NOD2: variants seen among roughly 807,000 people sequenced by gnomAD.
NOD2 encodes nucleotide-binding oligomerization domain-containing protein 2.
In NOD2, 86 loss-of-function variants were observed where a neutral mutation model predicts 90.9. The ratio of observed to expected loss-of-function variants is 0.95; its 90% CI spans 0.79 to 1.13. The LOEUF (loss-of-function observed/expected upper bound fraction) is 1.13. Ranked by LOEUF, NOD2 falls within the 50% of genes most tolerant of loss-of-function variation. NOD2 has a pLI of 0.00. For synonymous variants in NOD2, 581 were observed against 554.6 expected (o/e 1.05, Z -0.67); for missense variants, 1,238 against 1,283.8 (o/e 0.96, Z 0.55).
At chr16:50,721,277 ATATT>A (rs147227748) in intron 7 of NOD2, among the ~76,000 whole-genome samples, 2,331 of 151,194 alleles carry the variant, frequency 0.015, 57 homozygotes, top group African/African-American at 0.054. Context: ...CTTTCAACAC[ATATT>A]TATTAGGGCA....
intron 1 of NOD2, chr16:50,697,164 C>T: frequency 8.5e-7 from 1 of 1,182,660 alleles, no homozygotes; most frequent in Non-Finnish European, 1.2e-6. Flanking sequence ...CTCACCAGTC[C>T]TGTGCCACTG....
chr16:50,693,812 C>T (rs1294540676), intron 1 of NOD2, 150 bp downstream of exon 1: 1 of 152,278 alleles, frequency 6.6e-6, no homozygotes, highest in Non-Finnish European at 1.5e-5. Context: ...GGGGGAGTCC[C>T]AGAATGTAGA....
At chr16:50,708,434 G>A (rs897901693) in intron 3 of NOD2, among the ~76,000 whole-genome samples, 10 of 152,156 alleles carry the variant, frequency 6.6e-5, no homozygotes, top group Admixed American at 2.6e-4. Flanking sequence ...GGCTTGGACC[G>A]CACCACTTGA....
chr16:50,704,488 C>CTG (rs930186419), intron 2 of NOD2, among the ~76,000 whole-genome samples: 24 of 151,984 alleles, frequency 1.6e-4, no homozygotes, highest in African/African-American at 5.6e-4. Context: ...TTGCATTATT[C>CTG]CATTATCCTC....
intron 4 of NOD2, among the ~76,000 whole-genome samples, chr16:50,714,797 C>G (rs1011960469): frequency 1.3e-5 from 2 of 151,996 alleles, no homozygotes; most frequent in Admixed American, 6.6e-5. Context: ...ATACACAGTG[C>G]CCCTATATAG....
chr16:50,708,367 A>G (rs910649962), intron 3 of NOD2, among the ~76,000 whole-genome samples: 1 of 152,192 alleles, frequency 6.6e-6, no homozygotes, highest in African/African-American at 2.4e-5. Flanking sequence ...AAGTGGATCT[A>G]GAGACTCTGG....
At chr16:50,728,028 G>A (rs1291737931) in intron 10 of NOD2, 7 of 250,200 alleles carry the variant, frequency 2.8e-5, no homozygotes, top group South Asian at 1.9e-4. Flanking sequence ...GAAATGGTTC[G>A]CTGTTGTTGT....
chr16:50,709,077 C>G (rs567344147), intron 3 of NOD2, among the ~76,000 whole-genome samples: 4 of 152,080 alleles, frequency 2.6e-5, no homozygotes, highest in African/African-American at 9.6e-5. Flanking sequence ...ATTTTAGTAT[C>G]ATTGGTGATG....
Position 50,723,401 on chromosome 16 carries a change from C to A in NOD2, c.2801+17C>A, listed in dbSNP as rs1193867802. ...AGAACTCTGGTGAGTTTGGGGGATT[C>A]TCTGCTCTGGGGAAGTGGATCACAA... On this transcript the variant is annotated intron_variant, in intron 9 of 11. Transcript: ENST00000647318. The A allele has an allele frequency of 3.1e-6, 5 of 1,610,446 alleles. No individual in the cohort carries two copies. In the East Asian group the frequency reaches 8.9e-5, roughly 29 times the overall value.
intron 4 of NOD2, 37 bp from the exon 5 acceptor site, chr16:50,716,550 A>C: frequency 6.4e-7 from 1 of 1,573,196 alleles, no homozygotes; most frequent in Non-Finnish European, 8.7e-7. Context: ...TTGTCTTACT[A>C]GCTCCATTTT....
intron 11 of NOD2, among the ~76,000 whole-genome samples, chr16:50,731,237 G>A (rs1437106958): frequency 6.6e-6 from 1 of 152,218 alleles, no homozygotes; most frequent in Non-Finnish European, 1.5e-5. Context: ...CTGTATGATT[G>A]TGATAGCTCT....
At chr16:50,727,767 G>C in intron 10 of NOD2, 1 of 339,800 alleles carries the variant, frequency 2.9e-6, no homozygotes, top group South Asian at 2.4e-5. Context: ...AATGCCGGCT[G>C]CAGGTGTTGC....
Position 50,712,165 on chromosome 16 carries a change from G to T in NOD2, c.2173G>T (p.Glu725Ter). The part of the protein sequence containing the change: ...LIRSLYEMQE[E>*]RLARKAARGL... ...CCGGAGCCTGTACGAGATGCAGGAG[G>T]AGCGGCTGGCTCGGAAGGCTGCACG... The change falls in exon 4 of 12, where the codon GAG becomes TAG. Residue 725 changes from glutamate to a stop codon, truncating the protein, a stop_gained. Coordinates refer to ENST00000647318, the MANE Select transcript of NOD2 (RefSeq NM_001370466.1). LOFTEE classifies it high-confidence loss of function. The T allele has an allele frequency of 6.2e-7, 1 of 1,614,078 alleles. No individual in the cohort carries two copies. Among genetic ancestry groups the T allele is most frequent in the Non-Finnish European group, 8.5e-7 (1 of 1,180,050 alleles).
chr16:50,718,461 G>A (rs1312333477), intron 6 of NOD2, among the ~76,000 whole-genome samples: 1 of 152,244 alleles, frequency 6.6e-6, no homozygotes, highest in African/African-American at 2.4e-5. Flanking sequence ...TGTATGAATT[G>A]TTTATCTCTA....
At chr16:50,730,537 G>A (rs755348376) in intron 11 of NOD2, among the ~76,000 whole-genome samples, 2 of 152,136 alleles carry the variant, frequency 1.3e-5, no homozygotes, top group Admixed American at 1.3e-4. Flanking sequence ...GCTTTCCCTG[G>A]CCTAATGTGC....
chr16:50,708,248 C>A lies in NOD2; in HGVS notation c.565+288C>A, dbSNP rs111475857. Among the ~76,000 whole-genome samples the A allele has an allele frequency of 5.2e-3, 792 of 152,316 alleles. 7 individuals are homozygous for A. The highest frequency in any genetic ancestry group is 0.018 in the African/African-American group (757 of 41,566). On this transcript the variant is annotated intron_variant, in intron 3 of 11. Transcript: ENST00000647318. ...GCTAACTAAAGGTGTTACTTACCAT[C>A]CAAACTCTCATTATCTGTACCGAAA...
intron 10 of NOD2, chr16:50,728,258 A>G: frequency 3.5e-6 from 1 of 282,306 alleles, no homozygotes; most frequent in South Asian, 3.7e-5. Flanking sequence ...CTGCCAGTAC[A>G]CTCCTCATCT....
rs887929935 is a variant in NOD2 at position 50,714,164 on chromosome 16, G to T, written c.2381+1791G>T. ...ATCCTCATAGGCCAGTCCATCTCTGGAATTCTTGAATGGATCATCCATCCT... is the reference window on the plus strand; with the variant it reads ...ATCCTCATAGGCCAGTCCATCTCTGTAATTCTTGAATGGATCATCCATCCT... On this transcript the variant is annotated intron_variant, in intron 4 of 11. Coordinates refer to ENST00000647318, the MANE Select transcript of NOD2 (RefSeq NM_001370466.1). Among the ~76,000 whole-genome samples the T allele has an allele frequency of 2.6e-5, 4 of 152,132 alleles. No homozygotes were observed. In the South Asian group the frequency reaches 8.3e-4, roughly 32 times the overall value.
chr16:50,710,828 G>A lies in NOD2; in HGVS notation c.836G>A (p.Ser279Asn), dbSNP rs1381205352. The part of the protein sequence containing the change: ...LVVGEAGSGK[S>N]TLLQRLHLLW... ...GTGGGTGAGGCGGGCAGTGGCAAGA[G>A]CACGCTCCTGCAGCGGCTGCACTTG... Residue 279 changes from serine to asparagine, a missense_variant, in exon 4 of 12, where the codon AGC becomes AAC. Coordinates refer to ENST00000647318, the MANE Select transcript of NOD2 (RefSeq NM_001370466.1). The A allele has an allele frequency of 6.2e-7, 1 of 1,614,090 alleles. No homozygotes were observed. The highest frequency in any genetic ancestry group is 1.7e-5 in the Admixed American group (1 of 60,024).
Sources: gnomAD v4.1 joint callset for allele counts (sites outside exome capture counted in the v4.1 genomes callset) on GRCh38, gnomAD v4.1.1 for gene constraint, MANE v1.5 for transcripts, NCBI Gene and HGNC (gene_info 2026-07-23, HGNC 2026-07-21) for gene names.